Variants in C2orf49 observed in about 807,000 individuals in gnomAD.
C2orf49 encodes the protein tRNA splicing ligase complex subunit 2.
C2orf49 carries 11 observed loss-of-function variants against 20.6 expected under a neutral mutation model. The observed-to-expected ratio is 0.53, with a 90% CI of 0.34 to 0.88. C2orf49 has a LOEUF of 0.88. C2orf49 is among the 40% of genes least tolerant of loss of function. The pLI is 0.02. For missense variants in C2orf49, 289 were observed against 274.2 expected (o/e 1.05, Z -0.38); for synonymous variants, 134 against 108.5 (o/e 1.24, Z -1.46).
At chr2:105,375,105 A>G in the C2orf49 span, among the ~76,000 whole-genome samples, 1 of 152,028 alleles carries the variant, frequency 6.6e-6, no homozygotes, top group Admixed American at 6.6e-5. Flanking sequence ...AACCAAAACT[A>G]GAACAAACAG....
downstream of C2orf49, among the ~76,000 whole-genome samples, chr2:105,353,027 C>G (rs1679975346): frequency 6.6e-6 from 1 of 152,056 alleles, no homozygotes; most frequent in Non-Finnish European, 1.5e-5. Flanking sequence ...TCTGGAGGTC[C>G]AAGAGCATGG....
chr2:105,352,429 G>GTTTTTTTTTTTTTTTTTTTTTTTTTGTT (rs61585149), downstream of C2orf49, among the ~76,000 whole-genome samples: 3 of 80,758 alleles, frequency 3.7e-5, no homozygotes, highest in East Asian at 4.0e-4. Flanking sequence ...GTTTGTTTGG[G>GTTTTTTTTTTTTTTTTTTTTTTTTTGTT]TTTTTTTTTT....
the C2orf49 span, among the ~76,000 whole-genome samples, chr2:105,361,999 G>T: frequency 6.6e-6 from 1 of 152,210 alleles, no homozygotes; most frequent in Non-Finnish European, 1.5e-5. Flanking sequence ...ATTGGTCCGT[G>T]ATTATAATAC....
the C2orf49 span, chr2:105,361,050 C>T: frequency 2.5e-6 from 1 of 401,078 alleles, no homozygotes; most frequent in African/African-American, 2.0e-5. Flanking sequence ...TACTCGATTA[C>T]AAAAATTTCA....
the C2orf49 span, among the ~76,000 whole-genome samples, chr2:105,369,818 C>T: frequency 8.6e-3 from 1,309 of 152,186 alleles, 20 homozygotes; most frequent in African/African-American, 0.03. Context: ...TTGTCGAGTT[C>T]TGAAATAAGT....
At chr2:105,362,817 A>G in the C2orf49 span, among the ~76,000 whole-genome samples, 4 of 152,176 alleles carry the variant, frequency 2.6e-5, no homozygotes, top group African/African-American at 9.6e-5. Context: ...ATACAATATG[A>G]AAAACTCCTT....
the C2orf49 span, chr2:105,367,881 G>T: frequency 1.3e-6 from 1 of 743,752 alleles, no homozygotes; most frequent in Admixed American, 3.1e-5. Context: ...GCCTCTACAT[G>T]GAGGTAATTC....
chr2:105,384,841 G>T, the C2orf49 span, among the ~76,000 whole-genome samples: 1 of 152,214 alleles, frequency 6.6e-6, no homozygotes, highest in Non-Finnish European at 1.5e-5. Flanking sequence ...GTGGAGATGT[G>T]CACGGAAGGG....
chr2:105,367,262 C>T, the C2orf49 span, among the ~76,000 whole-genome samples: 1 of 152,162 alleles, frequency 6.6e-6, no homozygotes, highest in African/African-American at 2.4e-5. Context: ...AACAAGACAG[C>T]TTTGGGATGG....
the C2orf49 span, among the ~76,000 whole-genome samples, chr2:105,367,068 C>T: frequency 6.6e-6 from 1 of 152,236 alleles, no homozygotes; most frequent in African/African-American, 2.4e-5. Flanking sequence ...GCCTCCATGC[C>T]CGGCCAGAGT....
chr2:105,337,894 G>C (rs1397520693), intron 1 of C2orf49, among the ~76,000 whole-genome samples: 4 of 152,200 alleles, frequency 2.6e-5, no homozygotes, highest in Non-Finnish European at 5.9e-5. Flanking sequence ...TATCAGGAAT[G>C]CTTGGGAAAT....
chr2:105,350,836 T>C (rs1679915130), downstream of C2orf49, among the ~76,000 whole-genome samples: 1 of 152,224 alleles, frequency 6.6e-6, no homozygotes, highest in Admixed American at 6.5e-5. Flanking sequence ...GTTTCCCTAC[T>C]AACATACATT....
chr2:105,367,879 AT>A, the C2orf49 span: 1 of 748,738 alleles, frequency 1.3e-6, no homozygotes. Context: ...TCGCCTCTAC[AT>A]GGAGGTAATT....
Position 105,337,715 on chromosome 2 carries a change from G to C in C2orf49, c.99+29G>C. On this transcript the variant is annotated intron_variant, in intron 1 of 3. Coordinates refer to ENST00000258457, the MANE Select transcript of C2orf49 (RefSeq NM_024093.3). ...GGGCGCGCCGGATCGGAGGGTGGGC[G>C]GGTGGGCCTTCCCAGGTGAGGCGCT... 3 of 334,568 alleles carry C rather than the reference G, an allele frequency of 9.0e-6. 1 individual carries two copies. The highest frequency in any genetic ancestry group is 4.4e-5 in the South Asian group (2 of 45,354). 20.7% of individuals were successfully genotyped at this position (334,568 alleles called of 1,614,324 possible). A position where few individuals can be genotyped will look rare whatever the true frequency, so the allele number is the denominator to read the frequency against.
At chr2:105,382,159 G>A in the C2orf49 span, among the ~76,000 whole-genome samples, 1 of 152,178 alleles carries the variant, frequency 6.6e-6, no homozygotes, top group Non-Finnish European at 1.5e-5. Context: ...TCACTTCAAT[G>A]TTTCCTATTA....
rs987865500 is a variant in C2orf49 at position 105,346,776 on chromosome 2, A to T, written c.*1405A>T. 1 of 152,192 alleles carries T rather than the reference A, an allele frequency of 6.6e-6. No homozygotes were observed. Among genetic ancestry groups the T allele is most frequent in the Non-Finnish European group, 1.5e-5 (1 of 68,042 alleles). 9.4% of individuals were successfully genotyped at this position (152,192 alleles called of 1,614,324 possible). A position where few individuals can be genotyped will look rare whatever the true frequency, so the allele number is the denominator to read the frequency against. ...TTCCCACATGGCTGTTCTACACAGAATTACCTGCTAAGATTTTTTGTTTAT... is the reference window on the plus strand; with the variant it reads ...TTCCCACATGGCTGTTCTACACAGATTTACCTGCTAAGATTTTTTGTTTAT... On this transcript the variant is annotated 3_prime_UTR_variant, in exon 4 of 4. Coordinates refer to ENST00000258457, the MANE Select transcript of C2orf49 (RefSeq NM_024093.3).
chr2:105,374,234 G>C, the C2orf49 span: 1 of 183,536 alleles, frequency 5.4e-6, no homozygotes, highest in Non-Finnish European at 1.2e-5. Flanking sequence ...GGTCAGGAGA[G>C]ACTGTGTGTG....
At position 105,343,055 on chromosome 2, in the gene C2orf49, G is replaced by T; in HGVS notation, c.474G>T (p.Leu158Phe). The change falls in exon 3 of 4, where the codon TTG becomes TTT. Residue 158 changes from leucine (L) to phenylalanine (F), a missense_variant. Physicochemically the swap from Leu to Phe is conservative, Grantham distance 22 (BLOSUM62 0). Transcript: ENST00000258457. ...CACCCCTAATTTTGTCTTCCAATTT[G>T]CCTGTGAACAATAAAACGGAACACA... ...SVSPLILSSN[L>F]PVNNKTEHNN... 1 of 1,614,124 alleles carries T rather than the reference G, an allele frequency of 6.2e-7. No homozygotes were observed. The highest frequency in any genetic ancestry group is 1.3e-5 in the African/African-American group (1 of 75,002).
the C2orf49 span, chr2:105,363,026 C>G: frequency 2.2e-6 from 1 of 448,870 alleles, no homozygotes; most frequent in South Asian, 3.4e-5. Context: ...TAGCGATAAT[C>G]CAACCCAAAG....
Sources: allele counts gnomAD v4.1 joint callset (sites outside exome capture counted in the v4.1 genomes callset), GRCh38; gene constraint gnomAD v4.1.1; transcripts MANE v1.5; gene names NCBI Gene and HGNC (gene_info 2026-07-23, HGNC 2026-07-21).